MYOM1: variants seen among roughly 807,000 people sequenced by gnomAD.
MYOM1 encodes the protein myomesin-1.
MYOM1 carries 164 observed loss-of-function variants against 205.3 expected under a neutral mutation model. The ratio of observed to expected loss-of-function variants is 0.80; its 90% CI spans 0.70 to 0.91. The LOEUF is 0.91. MYOM1 is among the 40% of genes least tolerant of loss of function. The pLI is 0.00. For missense variants in MYOM1, 2,011 were observed against 2,127.3 expected, an observed-to-expected ratio of 0.95 and a Z score of 1.08; for synonymous variants, 772 against 789.4, an observed-to-expected ratio of 0.98 and a Z score of 0.37.
chr18:3,163,917 A>G (rs1166748074), intron 10 of MYOM1, among the ~76,000 whole-genome samples: 1 of 151,544 alleles, frequency 6.6e-6, no homozygotes, highest in Non-Finnish European at 1.5e-5. Flanking sequence ...CAGTGGTGCA[A>G]TCACAGCTCA....
At chr18:3,132,239 A>G (rs761040096) in intron 16 of MYOM1, among the ~76,000 whole-genome samples, 20 of 150,976 alleles carry the variant, frequency 1.3e-4, no homozygotes, top group Non-Finnish European at 2.8e-4. Context: ...GCAACCTCCA[A>G]CTCCCAGGTT....
At chr18:3,075,049 C>G (rs897247226) in intron 36 of MYOM1, among the ~76,000 whole-genome samples, 6 of 152,172 alleles carry the variant, frequency 3.9e-5, no homozygotes, top group Admixed American at 6.6e-5. Flanking sequence ...CCCACCTCGG[C>G]CTCCCAAAGT....
chr18:3,076,944 C>T (rs1293295776), intron 34 of MYOM1, among the ~76,000 whole-genome samples: 1 of 151,808 alleles, frequency 6.6e-6, no homozygotes, highest in Middle Eastern at 3.2e-3. Context: ...GATCTCCCGA[C>T]CTCGTGATCC....
chr18:3,124,887 C>T (rs1476211300), intron 19 of MYOM1, among the ~76,000 whole-genome samples: 2 of 152,106 alleles, frequency 1.3e-5, no homozygotes, highest in Admixed American at 6.5e-5. Context: ...ATGAATTTGA[C>T]ATTAAAATTA....
chr18:3,073,704 C>T (rs1236908981), intron 36 of MYOM1, among the ~76,000 whole-genome samples: 3 of 152,214 alleles, frequency 2.0e-5, no homozygotes, highest in Non-Finnish European at 2.9e-5. Flanking sequence ...TTTTCCGATG[C>T]TACCTATGGC....
intron 33 of MYOM1, among the ~76,000 whole-genome samples, chr18:3,079,659 G>C (rs1056842943): frequency 6.6e-6 from 1 of 151,746 alleles, no homozygotes; most frequent in Non-Finnish European, 1.5e-5. Context: ...TTATTTGTAG[G>C]ACTAGGGTAA....
intron 33 of MYOM1, among the ~76,000 whole-genome samples, chr18:3,080,049 A>G (rs2079066737): frequency 6.6e-6 from 1 of 152,202 alleles, no homozygotes; most frequent in African/African-American, 2.4e-5. Context: ...ACAGATATAG[A>G]CGAACTAAGA....
At chr18:3,086,235 T>C in intron 29 of MYOM1, 84 bp from the exon 30 acceptor site, 1 of 729,768 alleles carries the variant, frequency 1.4e-6, no homozygotes, top group Non-Finnish European at 2.1e-6. Context: ...CAGCAAGATA[T>C]AAAAGAAAAA....
chr18:3,128,543 A>G (rs915003950), intron 18 of MYOM1, among the ~76,000 whole-genome samples: 1 of 152,206 alleles, frequency 6.6e-6, no homozygotes, highest in Non-Finnish European at 1.5e-5. Flanking sequence ...ATATAGCTAT[A>G]TGTGATTATA....
rs760618494 is a variant in MYOM1, at chr18:3,067,364, A to G, written c.4956T>C (p.Tyr1652=). The G allele has an allele frequency of 6.2e-6, 10 of 1,612,712 alleles. No homozygotes were observed. Among genetic ancestry groups the G allele is most frequent in the African/African-American group, 1.3e-5 (1 of 74,888 alleles). Residue 1652 remains tyrosine (Y), a synonymous_variant, in exon 38 of 38, where the codon TAT becomes TAC. Transcript: ENST00000356443. ...CGGTGAAGTCGCTGGTCTCCGAGCCATACTTGTTCTTCACAACCAGCCCGT... is the reference window on the plus strand; with the variant it reads ...CGGTGAAGTCGCTGGTCTCCGAGCCGTACTTGTTCTTCACAACCAGCCCGT... ...GKYGLVVKNK[Y]GSETSDFTVS...
At chr18:3,133,693 G>A (rs1232392623) in intron 16 of MYOM1, among the ~76,000 whole-genome samples, 4 of 152,068 alleles carry the variant, frequency 2.6e-5, no homozygotes, top group African/African-American at 9.7e-5. Context: ...AATCAGAGGG[G>A]TAAAAAAGGA....
intron 32 of MYOM1, 35 bp downstream of exon 32, chr18:3,083,954 T>A: frequency 6.3e-7 from 1 of 1,584,320 alleles, no homozygotes; most frequent in South Asian, 1.2e-5. Flanking sequence ...AGGAGGATCA[T>A]AAAGCATTGT....
rs548379766 is a variant in MYOM1, at chr18:3,173,182, G to T, written c.1174+756C>A. 2.0e-4 allele frequency among the ~76,000 whole-genome samples: 31 copies of T among 152,302 alleles called. No homozygotes were observed. In the Middle Eastern group the frequency reaches 0.01, roughly 50 times the overall value. ...CATAAATAGAAGTTCTGATGTAAAT[G>T]AAATGACTGACATTCACAAATTTGT... On this transcript the variant is annotated intron_variant, in intron 8 of 37. Transcript: ENST00000356443.
intron 37 of MYOM1, among the ~76,000 whole-genome samples, chr18:3,070,696 G>A (rs997956923): frequency 6.6e-6 from 1 of 151,626 alleles, no homozygotes; most frequent in African/African-American, 2.4e-5. Flanking sequence ...GGTTACATCA[G>A]TTTAAAACCA....
intron 6 of MYOM1, among the ~76,000 whole-genome samples, chr18:3,174,984 C>G (rs1037065464): frequency 4.0e-5 from 6 of 151,882 alleles, no homozygotes; most frequent in Non-Finnish European, 7.4e-5. Context: ...TGTTTTATGT[C>G]TTATCATTAC....
intron 36 of MYOM1, among the ~76,000 whole-genome samples, chr18:3,073,538 G>C (rs2078985324): frequency 6.6e-6 from 1 of 152,216 alleles, no homozygotes; most frequent in South Asian, 2.1e-4. Flanking sequence ...CCCTTCTTCT[G>C]GTTTCCTGTG....
At chr18:3,127,088 C>A (rs372270044) in intron 18 of MYOM1, among the ~76,000 whole-genome samples, 191 bp from the exon 19 acceptor site, 1 of 151,750 alleles carries the variant, frequency 6.6e-6, no homozygotes, top group East Asian at 1.9e-4. Context: ...AATTATTATT[C>A]CAAAGATAAA....
rs878854614 is a variant in MYOM1 at position 3,215,049 on chromosome 18, C to T, written c.175G>A (p.Glu59Lys). The T allele has an allele frequency of 1.2e-6, 2 of 1,613,236 alleles. No individual in the cohort carries two copies. The highest frequency in any genetic ancestry group is 1.7e-6 in the Non-Finnish European group (2 of 1,179,678). The change falls in exon 2 of 38, where the codon GAG becomes AAG. Residue 59 changes from glutamate (E) to lysine (K), a missense_variant. Physicochemically the swap from Glu to Lys is moderately conservative, Grantham distance 56 (BLOSUM62 1). Transcript: ENST00000356443. ...RSSAAHRRES[E>K]AFRRASASSS... ...GAGGCGGACGCCCGACGGAAGGCCT[C>T]GGACTCCCGGCGGTGCGCGGCGGAG...
chr18:3,121,724 C>T (rs1052575932), intron 19 of MYOM1, among the ~76,000 whole-genome samples: 15 of 151,888 alleles, frequency 9.9e-5, no homozygotes, highest in African/African-American at 1.9e-4. Flanking sequence ...GTCACCAAAA[C>T]GAAAGAAACT....
Sources: gnomAD v4.1 joint callset for allele counts (sites outside exome capture counted in the v4.1 genomes callset) on GRCh38, gnomAD v4.1.1 for gene constraint, MANE v1.5 for transcripts, NCBI Gene and HGNC (gene_info 2026-07-23, HGNC 2026-07-21) for gene names.